The following GOLGA4 variants were observed in gnomAD, a reference collection of about 807,000 sequenced individuals.
GOLGA4 encodes golgin A4, also known as golgin subfamily A member 4.
A neutral mutation model predicts 265.9 loss-of-function variants in GOLGA4; 169 were observed. The ratio of observed to expected loss-of-function variants is 0.64; its 90% CI spans 0.56 to 0.72. The LOEUF is 0.72. Among genes scored for constraint, GOLGA4 ranks in the 30% least tolerant of loss-of-function variants. The pLI is 0.00. For synonymous variants in GOLGA4, 923 were observed against 855.8 expected (o/e 1.08, Z -1.37); for missense variants, 2,482 against 2,483.4 (o/e 1.00, Z 0.01).
chr3:37,251,632 T>A (rs1410366903), intron 2 of GOLGA4, 148 bp downstream of exon 2: 2 of 596,386 alleles, frequency 3.4e-6, no homozygotes, highest in Non-Finnish European at 5.9e-6. Flanking sequence ...GGTCTTTTTT[T>A]TTTTTTTTTC....
chr3:37,327,275 C>T lies in GOLGA4; in HGVS notation c.5389C>T (p.Leu1797Phe), dbSNP rs756717111. The change falls in exon 14 of 24, where the codon CTT (leucine) becomes TTT (phenylalanine). Residue 1797 changes from leucine (L) to phenylalanine (F), a missense_variant. By Grantham distance (22) the Leu-to-Phe change is conservative (BLOSUM62 0). Coordinates refer to ENST00000361924, the MANE Select transcript of GOLGA4 (RefSeq NM_002078.5). ...QHEDQSMIGH[L>F]QEELEEKNKK... is the part of the protein sequence containing the mutation. ...TGAAGATCAAAGTATGATAGGTCAT[C>T]TTCAAGAGGAGCTTGAAGAAAAAAA... is the stretch of plus-strand genomic sequence containing the variant. 6.2e-6 allele frequency: 10 copies of T among 1,613,608 alleles called. No homozygotes were observed. Among genetic ancestry groups the T allele is most frequent in the Non-Finnish European group, 8.5e-6 (10 of 1,179,774 alleles).
intron 17 of GOLGA4, among the ~76,000 whole-genome samples, chr3:37,336,480 G>T (rs1263587967): frequency 6.6e-6 from 1 of 151,974 alleles, no homozygotes; most frequent in African/African-American, 2.4e-5. Flanking sequence ...CCTTAATTTG[G>T]CCGGGAGAGG....
chr3:37,345,966 C>T (rs1272946214), intron 20 of GOLGA4, among the ~76,000 whole-genome samples: 2 of 151,610 alleles, frequency 1.3e-5, no homozygotes, highest in Non-Finnish European at 2.9e-5. Flanking sequence ...AAAAAGTAAT[C>T]TGCCTATTTA....
intron 3 of GOLGA4, among the ~76,000 whole-genome samples, chr3:37,282,888 A>G (rs1017451898): frequency 1.3e-5 from 2 of 152,214 alleles, no homozygotes; most frequent in African/African-American, 2.4e-5. Context: ...CCTTCCTTTC[A>G]GGCTAAATTT....
At chr3:37,306,507 G>C (rs868730086) in intron 10 of GOLGA4, among the ~76,000 whole-genome samples, 2,359 of 137,536 alleles carry the variant, frequency 0.017, 56 homozygotes, top group African/African-American at 0.065. Context: ...TTCTCTGTGT[G>C]TGTGTGTGTG....
At chr3:37,354,989 C>T (rs985605719) in intron 21 of GOLGA4, 112 bp from the exon 22 acceptor site, 19 of 659,016 alleles carry the variant, frequency 2.9e-5, no homozygotes, top group Middle Eastern at 2.5e-4. Flanking sequence ...CTTCTTTGTT[C>T]GTGGCTTTCA....
At chr3:37,359,438 T>G (rs528822859) in intron 22 of GOLGA4, among the ~76,000 whole-genome samples, 2 of 152,328 alleles carry the variant, frequency 1.3e-5, no homozygotes, top group South Asian at 4.1e-4. Flanking sequence ...AAAAGTTTTC[T>G]TAGACATTTT....
intron 2 of GOLGA4, chr3:37,266,924 C>A: frequency 7.8e-7 from 1 of 1,280,096 alleles, no homozygotes; most frequent in Non-Finnish European, 1.0e-6. Flanking sequence ...CATCCTAAAA[C>A]ACAGAGTGAC....
chr3:37,358,718 G>T (rs1456023601), intron 22 of GOLGA4, among the ~76,000 whole-genome samples: 1 of 152,046 alleles, frequency 6.6e-6, no homozygotes, highest in Non-Finnish European at 1.5e-5. Flanking sequence ...AAAGAGACTG[G>T]AAAGGTAAAT....
rs774431604 is a variant in GOLGA4, at chr3:37,326,170, A to G, written c.4284A>G (p.Lys1428=). 3.7e-6 allele frequency: 6 copies of G among 1,613,364 alleles called. No homozygotes were observed. Among genetic ancestry groups the G allele is most frequent in the Non-Finnish European group, 4.2e-6 (5 of 1,179,476 alleles). The change falls in exon 14 of 24, where the codon AAA becomes AAG. Residue 1428 remains lysine (K), a synonymous_variant. Coordinates refer to ENST00000361924, the MANE Select transcript of GOLGA4 (RefSeq NM_002078.5). Reference sequence around the variant, plus strand: ...AAGTTGACACTCTGAGTAAAGAGAAAATTTCTGCTCTTGAGCAGGTAGATG... The same window carrying G: ...AAGTTGACACTCTGAGTAAAGAGAAGATTTCTGCTCTTGAGCAGGTAGATG... ...SFKVDTLSKE[K]ISALEQVDDW...
rs1344165218 is a variant in GOLGA4, at chr3:37,327,796, A to C, written c.5910A>C (p.Glu1970Asp). ...HQQELEILKK[E>D]YDQEREEKIK... is the part of the protein sequence containing the mutation. ...AAGAATTGGAAATACTAAAGAAAGA[A>C]TATGATCAAGAAAGGGAAGAGAAAA... The change falls in exon 14 of 24, where the codon GAA becomes GAC. Residue 1970 changes from glutamate (E) to aspartate (D), a missense_variant. By Grantham distance (45) the Glu-to-Asp change is conservative. Transcript: ENST00000361924. 5.6e-6 allele frequency: 9 copies of C among 1,608,634 alleles called. No individual in the cohort carries two copies. Among genetic ancestry groups the C allele is most frequent in the Non-Finnish European group, 7.7e-6 (9 of 1,176,200 alleles).
chr3:37,296,259 A>G (rs761881675), intron 7 of GOLGA4, 40 bp downstream of exon 7: 1 of 1,602,474 alleles, frequency 6.2e-7, no homozygotes, highest in Non-Finnish European at 8.5e-7. Context: ...TAAAAACTAG[A>G]GGAGAGCCAG....
intron 5 of GOLGA4, 106 bp downstream of exon 5, chr3:37,289,397 A>G (rs765317714): frequency 1.5e-6 from 1 of 679,284 alleles, no homozygotes; most frequent in Admixed American, 2.6e-5. Flanking sequence ...TAGTTATACT[A>G]ATAACTAACC....
intron 9 of GOLGA4, 69 bp downstream of exon 9, chr3:37,299,440 G>A: frequency 3.4e-6 from 3 of 878,434 alleles, no homozygotes; most frequent in South Asian, 1.6e-5. Flanking sequence ...GGAAACAGTT[G>A]GAAACATTCA....
chr3:37,343,508 G>A (rs763460846), intron 20 of GOLGA4, among the ~76,000 whole-genome samples: 9 of 151,878 alleles, frequency 5.9e-5, no homozygotes, highest in African/African-American at 1.2e-4. Context: ...TAGCTGCTGC[G>A]CGCGGCCTGG....
chr3:37,262,021 A>T (rs2096771020), intron 2 of GOLGA4, among the ~76,000 whole-genome samples: 1 of 152,228 alleles, frequency 6.6e-6, no homozygotes, highest in African/African-American at 2.4e-5. Context: ...CCACCAGTAA[A>T]AACAGAGATT....
At chr3:37,294,864 G>T in intron 5 of GOLGA4, 115 bp from the exon 6 acceptor site, 3 of 601,948 alleles carry the variant, frequency 5.0e-6, no homozygotes, top group Non-Finnish European at 9.0e-6. Context: ...TCTAATTATT[G>T]TTGCTGATAC....
At chr3:37,283,923 A>T (rs1452012554) in intron 3 of GOLGA4, among the ~76,000 whole-genome samples, 8 of 152,190 alleles carry the variant, frequency 5.3e-5, no homozygotes, top group African/African-American at 1.9e-4. Context: ...GACTCATAGT[A>T]ACTTGCTTAT....
intron 10 of GOLGA4, chr3:37,313,652 G>C (rs2096929028): frequency 1.3e-5 from 2 of 152,032 alleles, no homozygotes; most frequent in Non-Finnish European, 2.9e-5. Context: ...ATTTTCCTAG[G>C]GTATCATTAT....
Sources: allele counts gnomAD v4.1 joint callset (sites outside exome capture counted in the v4.1 genomes callset), GRCh38; gene constraint gnomAD v4.1.1; transcripts MANE v1.5; gene names NCBI Gene and HGNC (gene_info 2026-07-23, HGNC 2026-07-21).